The following SPTAN1 variants were observed in gnomAD, a reference collection of about 807,000 sequenced individuals.
SPTAN1 encodes the protein spectrin alpha, non-erythrocytic 1.
Under a neutral mutation model 331.3 loss-of-function variants are expected in SPTAN1, and 61 were observed. The ratio of observed to expected loss-of-function variants is 0.18; its 90% CI spans 0.15 to 0.23. SPTAN1 has a LOEUF of 0.23. SPTAN1 is among the 10% of genes least tolerant of loss of function. The pLI, the probability that SPTAN1 is intolerant of heterozygous loss-of-function variation, is 1.00. For synonymous variants in SPTAN1, 1,153 were observed against 1,173.9 expected, an observed-to-expected ratio of 0.98 and a Z score of 0.36; for missense variants, 2,043 against 3,147.9, an observed-to-expected ratio of 0.65 and a Z score of 8.40.
intron 52 of SPTAN1, 162 bp from the exon 53 acceptor site, chr9:128,631,965 C>T: frequency 1.4e-6 from 1 of 706,004 alleles, no homozygotes; most frequent in African/African-American, 1.8e-5. Flanking sequence ...GTTGGGATTT[C>T]TTCAGCTTCA....
At chr9:128,580,868 C>T (rs568930393) in intron 10 of SPTAN1, 54 bp from the exon 11 acceptor site, 74 of 1,610,372 alleles carry the variant, frequency 4.6e-5, no homozygotes, top group Admixed American at 2.2e-4. Context: ...CTGTCTGCCT[C>T]GGAGGCATTG....
At chr9:128,612,325 C>G (rs1856658118) in intron 39 of SPTAN1, 79 bp downstream of exon 39, 2 of 1,586,942 alleles carry the variant, frequency 1.3e-6, no homozygotes, top group Non-Finnish European at 1.7e-6. Context: ...GTGCCCAAAA[C>G]CACGAAAAGG....
intron 17 of SPTAN1, 87 bp from the exon 18 acceptor site, chr9:128,584,634 G>A: frequency 3.1e-6 from 5 of 1,614,000 alleles, no homozygotes; most frequent in South Asian, 2.2e-5. Context: ...TTATTGAACT[G>A]GAACCATGGT....
chr9:128,603,731 G>A (rs1855466880), intron 28 of SPTAN1, 141 bp downstream of exon 28: 13 of 1,065,278 alleles, frequency 1.2e-5, no homozygotes, highest in East Asian at 2.4e-5. Flanking sequence ...CATGTCCTAA[G>A]TAAACATCAG....
At chr9:128,622,528 A>G (rs1486297242) in intron 45 of SPTAN1, among the ~76,000 whole-genome samples, 2 of 150,284 alleles carry the variant, frequency 1.3e-5, no homozygotes, top group African/African-American at 4.9e-5. Flanking sequence ...CGAACTCCTG[A>G]CCTCAGGTGA....
intron 52 of SPTAN1, chr9:128,630,593 G>GT: frequency 1.9e-6 from 1 of 522,422 alleles, no homozygotes; most frequent in Non-Finnish European, 3.4e-6. Flanking sequence ...GCAGTGGTGC[G>GT]ATATTGGCTC....
intron 24 of SPTAN1, among the ~76,000 whole-genome samples, chr9:128,597,111 G>A (rs1308088461): frequency 6.6e-6 from 1 of 152,138 alleles, no homozygotes; most frequent in Non-Finnish European, 1.5e-5. Context: ...AGTGAGCCAT[G>A]ATCACGCCAC....
At position 128,627,175 on chromosome 9, in the gene SPTAN1, G is replaced by T. The variant is rs752006624; in HGVS notation, c.6577-211G>T. Reference sequence around the variant, plus strand: ...TTGACTGACCAGTCGCTTCCCTCCAGGTCCGCCTCTTCCTTGAAGCCCCTG... The same window carrying T: ...TTGACTGACCAGTCGCTTCCCTCCATGTCCGCCTCTTCCTTGAAGCCCCTG... On this transcript the variant is annotated intron_variant, in intron 49 of 56. Coordinates refer to ENST00000372739, the MANE Select transcript of SPTAN1 (RefSeq NM_001130438.3). The surrounding 1 kb of genome is among the most constrained non-coding windows in gnomAD (Gnocchi z 4.9). The T allele has an allele frequency of 3.1e-6, 2 of 640,132 alleles. No homozygotes were observed. The highest frequency in any genetic ancestry group is 1.8e-5 in the African/African-American group (1 of 55,700). 39.7% of individuals were successfully genotyped at this position (640,132 alleles called of 1,614,324 possible).
chr9:128,593,379 T>C (rs1853793758), intron 23 of SPTAN1: 3 of 370,552 alleles, frequency 8.1e-6, no homozygotes, highest in Non-Finnish European at 1.5e-5. Context: ...GGAAATCATA[T>C]GCTTCTCTTA....
intron 43 of SPTAN1, 120 bp downstream of exon 43, chr9:128,618,228 T>C: frequency 6.8e-7 from 1 of 1,474,736 alleles, no homozygotes; most frequent in Non-Finnish European, 9.3e-7. Flanking sequence ...TGGCCTCACA[T>C]GTGCCATAGT....
In SPTAN1 at chr9:128,633,201, C is replaced by A; in HGVS notation, c.7309-8C>A. ...CTCAGGCACCAGGTGCCATCTCTTA[C>A]CCCACAGAACCTGACCCGGGAACAA... On this transcript the variant is annotated splice_polypyrimidine_tract_variant and splice_region_variant and intron_variant, in intron 56 of 56. Coordinates refer to ENST00000372739, the MANE Select transcript of SPTAN1 (RefSeq NM_001130438.3). 1.9e-6 allele frequency: 3 copies of A among 1,614,000 alleles called. No homozygotes were observed. Among genetic ancestry groups the A allele is most frequent in the Non-Finnish European group, 2.5e-6 (3 of 1,180,016 alleles).
At position 128,607,934 on chromosome 9, in the gene SPTAN1, A is replaced by G; in HGVS notation, c.4229A>G (p.His1410Arg). 1.9e-6 allele frequency: 3 copies of G among 1,614,060 alleles called. No homozygotes were observed. The highest frequency in any genetic ancestry group is 2.5e-6 in the Non-Finnish European group (3 of 1,180,032). The part of the protein sequence containing the change: ...QFGQQLLAHG[H>R]YASPEIKQKL... ...GGACAGCAGCTGTTGGCTCACGGACACTATGCCAGCCCTGAGATCAAGCAG... is the reference window on the plus strand; with the variant it reads ...GGACAGCAGCTGTTGGCTCACGGACGCTATGCCAGCCCTGAGATCAAGCAG... The change falls in exon 33 of 57, where the codon CAC becomes CGC. Residue 1410 changes from histidine (H) to arginine (R), a missense_variant. Transcript: ENST00000372739.
intron 52 of SPTAN1, chr9:128,631,864 CCGTACTTGTCCTTGG>C: frequency 7.7e-6 from 4 of 522,320 alleles, no homozygotes; most frequent in South Asian, 4.5e-5. Context: ...GGAGTCCTCG[CCGTACTTGTCCTTGG>C]CGTGCACTGC....
intron 3 of SPTAN1, among the ~76,000 whole-genome samples, chr9:128,569,929 C>A (rs941575800): frequency 3.3e-5 from 5 of 152,068 alleles, no homozygotes; most frequent in Admixed American, 2.6e-4. Flanking sequence ...TAATTATTAA[C>A]TATTACTAAT....
chr9:128,562,990 G>A (rs1984182), intron 1 of SPTAN1, among the ~76,000 whole-genome samples: 60 of 1,790 alleles, frequency 0.034, 2 homozygotes, highest in East Asian at 0.23. Context: ...ATACATGTAT[G>A]TGTATATATA....
At chr9:128,614,589 CA>C (rs1272628247) in intron 40 of SPTAN1, among the ~76,000 whole-genome samples, 31 of 104,618 alleles carry the variant, frequency 3.0e-4, no homozygotes, top group Non-Finnish European at 5.4e-4. Flanking sequence ...GACTACGTCT[CA>C]AAAAAAAAAC....
chr9:128,609,864 C>T (rs891865719), intron 37 of SPTAN1, among the ~76,000 whole-genome samples, 199 bp downstream of exon 37: 2 of 152,196 alleles, frequency 1.3e-5, no homozygotes, highest in African/African-American at 2.4e-5. Flanking sequence ...TAGCCTGCAA[C>T]GCCTTACTCC....
Position 128,626,424 on chromosome 9 carries a change from G to T in SPTAN1, c.6313G>T (p.Ala2105Ser). 6.2e-7 allele frequency: 1 copy of T among 1,614,148 alleles called. No individual in the cohort carries two copies. The highest frequency in any genetic ancestry group is 8.5e-7 in the Non-Finnish European group (1 of 1,180,036). The change falls in exon 49 of 57, where the codon GCT becomes TCT. Residue 2105 changes from alanine (A) to serine (S), a missense_variant. Physicochemically the swap from Ala to Ser is moderately conservative, Grantham distance 99. Transcript: ENST00000372739. ...EDLFLTFAKK[A>S]SAFNSWFENA... is the part of the protein sequence containing the mutation. ...CCTCTTCCTGACCTTCGCCAAAAAG[G>T]CTTCTGCCTTCAACAGCTGGTTTGA...
intron 40 of SPTAN1, among the ~76,000 whole-genome samples, chr9:128,615,122 G>A (rs1856999753): frequency 6.6e-6 from 1 of 152,126 alleles, no homozygotes; most frequent in African/African-American, 2.4e-5. Flanking sequence ...TTTATCATTA[G>A]TAACAAACTG....
Sources: allele counts gnomAD v4.1 joint callset (sites outside exome capture counted in the v4.1 genomes callset), GRCh38; gene constraint gnomAD v4.1.1; non-coding constraint Gnocchi (gnomAD v3.1); transcripts MANE v1.5; gene names NCBI Gene and HGNC (gene_info 2026-07-23, HGNC 2026-07-21).